Variants in HSPA12B observed in about 807,000 individuals in gnomAD.
HSPA12B encodes the protein heat shock protein family A (Hsp70) member 12B.
A neutral mutation model predicts 69.3 loss-of-function variants in HSPA12B; 54 were observed. The ratio of observed to expected loss-of-function variants is 0.78; its 90% CI spans 0.63 to 0.98. HSPA12B has a LOEUF of 0.98. Ranked by LOEUF, HSPA12B falls within the 50% of genes least tolerant of loss-of-function variation. HSPA12B has a pLI of 0.00. For missense variants in HSPA12B, 929 were observed against 999.8 expected (o/e 0.93, Z 0.96); for synonymous variants, 441 against 436.5 (o/e 1.01, Z -0.13).
chr20:3,742,127 C>T (rs910716022), intron 3 of HSPA12B, among the ~76,000 whole-genome samples, 157 bp from the exon 4 acceptor site: 3 of 151,760 alleles, frequency 2.0e-5, no homozygotes, highest in East Asian at 1.9e-4. Context: ...CAAGGGAGCC[C>T]GAGCAGGTGG....
intron 3 of HSPA12B, among the ~76,000 whole-genome samples, chr20:3,741,460 C>A (rs1205736754): frequency 6.6e-6 from 1 of 152,058 alleles, no homozygotes; most frequent in South Asian, 2.1e-4. Context: ...CAGCGAAACC[C>A]CATCTCTACA....
At position 3,751,877 on chromosome 20, in the gene HSPA12B, G is replaced by C; in HGVS notation, c.1772G>C (p.Arg591Pro). 1 of 1,562,242 alleles carries C rather than the reference G, an allele frequency of 6.4e-7. No homozygotes were observed. ...EQSVALGEEV[R>P]RSYCPARPGQ... ...TCGGTGGCCCTGGGCGAGGAGGTGCGGCGCAGCTACTGCCCGGCGCGTCCC... is the reference window on the plus strand; with the variant it reads ...TCGGTGGCCCTGGGCGAGGAGGTGCCGCGCAGCTACTGCCCGGCGCGTCCC... The change falls in exon 13 of 13, where the codon CGG becomes CCG. Residue 591 changes from arginine (R) to proline (P), a missense_variant. This residue lies in a region of HSPA12B where 448 missense variants were observed against 448.1 expected (regional missense o/e 1.00). Transcript: ENST00000254963.
rs2088278964 is a variant in HSPA12B, at chr20:3,745,312, T to G, written c.454-181T>G. ...GTGGGGCTAATAGTGAAGCTGGGGT[T>G]GCAGGAGGGGTGGGGCTAAGGAGAG... On this transcript the variant is annotated intron_variant, in intron 5 of 12. Transcript: ENST00000254963. The surrounding 1 kb of genome is among the most constrained non-coding windows in gnomAD (Gnocchi z 5.6). Among the ~76,000 whole-genome samples the G allele has an allele frequency of 1.2e-5, 1 of 86,490 alleles. No individual in the cohort carries two copies. Among genetic ancestry groups the G allele is most frequent in the Non-Finnish European group, 2.3e-5 (1 of 44,194 alleles). 56.7% of individuals were successfully genotyped at this position (86,490 alleles called of 152,430 possible).
At chr20:3,741,382 A>G (rs1001014095) in intron 3 of HSPA12B, among the ~76,000 whole-genome samples, 1 of 152,026 alleles carries the variant, frequency 6.6e-6, no homozygotes, top group African/African-American at 2.4e-5. Flanking sequence ...CTGTAATCCC[A>G]GCACTTTGGG....
At chr20:3,750,370 G>C in intron 11 of HSPA12B, 143 bp downstream of exon 11, 1 of 968,270 alleles carries the variant, frequency 1.0e-6, no homozygotes, top group Non-Finnish European at 1.5e-6. Flanking sequence ...GTCGGGGTGG[G>C]GCGGCGGGGA....
chr20:3,736,030 A>AT (rs1256722041), intron 1 of HSPA12B, among the ~76,000 whole-genome samples: 2 of 152,200 alleles, frequency 1.3e-5, no homozygotes, highest in East Asian at 3.8e-4. Flanking sequence ...ATCCTGATTT[A>AT]TGGTGTTTGC....
chr20:3,749,561 G>C lies in HSPA12B; in HGVS notation c.938-189G>C, dbSNP rs516681. ...TTGCAGAGCCTCTGGAACCATTTCT[G>C]CCCCACACCCTGCGCCCATATGTGG... On this transcript the variant is annotated intron_variant, in intron 9 of 12. Transcript: ENST00000254963. This position sits in a 1 kb window ranked among gnomAD's most constrained non-coding sequence, Gnocchi z 5.5. 0.97 allele frequency among the ~76,000 whole-genome samples: 147,986 copies of C among 152,226 alleles called. 71,959 individuals carry two copies. Among genetic ancestry groups the C allele is most frequent in the East Asian group, 1 (5,138 of 5,140 alleles).
At position 3,740,677 on chromosome 20, in the gene HSPA12B, C is replaced by A; in HGVS notation, c.44-138C>A. 2.9e-6 allele frequency: 2 copies of A among 690,848 alleles called. No homozygotes were observed. Among genetic ancestry groups the A allele is most frequent in the Non-Finnish European group, 5.1e-6 (2 of 389,172 alleles). 42.8% of individuals were successfully genotyped at this position (690,848 alleles called of 1,614,324 possible). On this transcript the variant is annotated intron_variant, in intron 2 of 12. Coordinates refer to ENST00000254963, the MANE Select transcript of HSPA12B (RefSeq NM_052970.5). The surrounding 1 kb of genome is among the most constrained non-coding windows in gnomAD (Gnocchi z 4.9). ...TCATGTGTGTCTTTCCTACACCCCG[C>A]AGTCCTCCTCCCCAGCAGAGAGCCC... is the stretch of plus-strand genomic sequence containing the variant.
In HSPA12B at chr20:3,744,762, T is replaced by A; in HGVS notation, c.267-140T>A. The A allele has an allele frequency of 1.5e-6, 1 of 685,840 alleles. No homozygotes were observed. The highest frequency in any genetic ancestry group is 2.5e-6 in the Non-Finnish European group (1 of 406,286). 42.5% of individuals were successfully genotyped at this position (685,840 alleles called of 1,614,324 possible). A position where few individuals can be genotyped will look rare whatever the true frequency, so the allele number is the denominator to read the frequency against. On this transcript the variant is annotated intron_variant, in intron 4 of 12. Coordinates refer to ENST00000254963, the MANE Select transcript of HSPA12B (RefSeq NM_052970.5). This position sits in a 1 kb window ranked among gnomAD's most constrained non-coding sequence, Gnocchi z 4.9. ...ATCTCACCTTAGCATTCTTGTGTTT[T>A]CTCCTGCTGCCTATGGAGCCGACCC...
At chr20:3,734,921 G>A (rs1377297188) in intron 1 of HSPA12B, among the ~76,000 whole-genome samples, 14 of 151,820 alleles carry the variant, frequency 9.2e-5, no homozygotes, top group Admixed American at 9.2e-4. Context: ...TGTATTTTTC[G>A]TAGAGATGGG....
intron 1 of HSPA12B, 144 bp from the exon 2 acceptor site, chr20:3,738,514 G>C (rs919865847): frequency 1.5e-6 from 1 of 662,570 alleles, no homozygotes; most frequent in Non-Finnish European, 2.7e-6. Context: ...ATGTATTAAA[G>C]AGTTCACGGG....
At chr20:3,739,123 C>T (rs748446360) in intron 2 of HSPA12B, among the ~76,000 whole-genome samples, 3 of 152,062 alleles carry the variant, frequency 2.0e-5, no homozygotes, top group African/African-American at 4.8e-5. Flanking sequence ...GTGTGTGTCT[C>T]TGCGGGCAGG....
intron 2 of HSPA12B, among the ~76,000 whole-genome samples, chr20:3,739,207 ATGGAGGGTCTG>A (rs1286749075): frequency 1.3e-5 from 2 of 150,186 alleles, no homozygotes; most frequent in Non-Finnish European, 1.5e-5. Flanking sequence ...CTGCGTGTGC[ATGGAGGGTCTG>A]TGTGCACAGG....
Position 3,749,787 on chromosome 20 carries a change from C to T in HSPA12B, c.975C>T (p.Thr325=), listed in dbSNP as rs909577884. ...TGGTGGCCGACTGCGGCGGAGGCAC[C>T]GTGGACCTGACGGTGCACCAGCTGG... The part of the protein sequence containing the change: ...RYVVADCGGG[T]VDLTVHQLEQ... The change falls in exon 10 of 13, where the codon ACC becomes ACT. Residue 325 remains threonine (T), a synonymous_variant. Coordinates refer to ENST00000254963, the MANE Select transcript of HSPA12B (RefSeq NM_052970.5). The surrounding 1 kb of genome is among the most constrained non-coding windows in gnomAD (Gnocchi z 5.5). 4 of 1,606,550 alleles carry T rather than the reference C, an allele frequency of 2.5e-6. No homozygotes were observed. The East Asian group carries it at 9.0e-5, about 36-fold the overall frequency.
Position 3,752,149 on chromosome 20 carries a change from G to A in HSPA12B, c.2044G>A (p.Asp682Asn). The stretch of plus-strand genomic sequence containing the variant: ...CAATCGCTCCGTGCGCGCGTCCATC[G>A]ACTTTCTTTCCAACTGAGGGCGCGC... The part of the protein sequence containing the change: ...STNRSVRASI[D>N]FLSN The change falls in exon 13 of 13, where the codon GAC (aspartate) becomes AAC (asparagine). Residue 682 changes from aspartate (D) to asparagine (N), a missense_variant. This residue lies in a region of HSPA12B where 448 missense variants were observed against 448.1 expected (regional missense o/e 1.00). Coordinates refer to ENST00000254963, the MANE Select transcript of HSPA12B (RefSeq NM_052970.5). 2 of 1,458,064 alleles carry A rather than the reference G, an allele frequency of 1.4e-6. No individual in the cohort carries two copies. Among genetic ancestry groups the A allele is most frequent in the Non-Finnish European group, 1.8e-6 (2 of 1,112,412 alleles). 90.3% of individuals were successfully genotyped at this position (1,458,064 alleles called of 1,614,324 possible). A position where few individuals can be genotyped will look rare whatever the true frequency, so the allele number is the denominator to read the frequency against.
intron 12 of HSPA12B, chr20:3,751,225 C>T (rs1442644218): frequency 2.0e-6 from 2 of 982,824 alleles, no homozygotes; most frequent in African/African-American, 3.5e-5. Flanking sequence ...GTCTTGCACA[C>T]AATGTCTAGG....
At position 3,750,820 on chromosome 20, in the gene HSPA12B, T is replaced by C; in HGVS notation, c.1318T>C (p.Trp440Arg). 1 of 1,613,890 alleles carries C rather than the reference T, an allele frequency of 6.2e-7. No homozygotes were observed. The highest frequency in any genetic ancestry group is 1.1e-5 in the South Asian group (1 of 91,086). ...CACCAACAGCGTGAACTTCGTGAAG[T>C]GGTCCTCACAGGGGATGCTCCGAAT... ...LRRSSVNFVKWSSQGMLRMSC... is the reference protein window; with the variant it reads ...LRRSSVNFVKRSSQGMLRMSC... Residue 440 changes from tryptophan to arginine, a missense_variant, in exon 12 of 13, where the codon TGG becomes CGG. By Grantham distance (101) the Trp-to-Arg change is moderately radical. This residue lies in a region of HSPA12B where 448 missense variants were observed against 448.1 expected (regional missense o/e 1.00). Coordinates refer to ENST00000254963, the MANE Select transcript of HSPA12B (RefSeq NM_052970.5).
At chr20:3,738,178 C>T (rs1382581312) in intron 1 of HSPA12B, among the ~76,000 whole-genome samples, 1 of 152,218 alleles carries the variant, frequency 6.6e-6, no homozygotes, top group African/African-American at 2.4e-5. Context: ...CCTCTTCCCA[C>T]CCCGCATTAT....
chr20:3,738,513 A>C, intron 1 of HSPA12B, 145 bp from the exon 2 acceptor site: 1 of 661,126 alleles, frequency 1.5e-6, no homozygotes. Context: ...GATGTATTAA[A>C]GAGTTCACGG....
Sources: allele counts gnomAD v4.1 joint callset (sites outside exome capture counted in the v4.1 genomes callset), GRCh38; gene constraint gnomAD v4.1.1; regional missense constraint gnomAD v4.1.1; non-coding constraint Gnocchi (gnomAD v3.1); transcripts MANE v1.5; gene names NCBI Gene and HGNC (gene_info 2026-07-23, HGNC 2026-07-21).